The following AUNIP variants were observed in gnomAD, a reference collection of about 807,000 sequenced individuals.
AUNIP encodes aurora kinase A and ninein interacting protein, also known as aurora kinase A- and ninein-interacting protein.
Under a neutral mutation model 12.2 loss-of-function variants are expected in AUNIP, and 16 were observed. The ratio of observed to expected loss-of-function variants is 1.31; its 90% CI spans 0.88 to 1.99. The LOEUF (loss-of-function observed/expected upper bound fraction) is 1.99, where lower values mean the gene tolerates loss of function less well. AUNIP is among the 30% of genes most tolerant of loss of function. AUNIP has a pLI of 0.00. For missense variants in AUNIP, 411 were observed against 419.1 expected (o/e 0.98, Z 0.17); for synonymous variants, 142 against 154.8 (o/e 0.92, Z 0.61).
rs772585707 is a variant in AUNIP at position 25,837,482 on chromosome 1, TA to T, written c.150del (p.Phe50LeufsTer54). ...LPGERKANIY[F>X]TQRRAPSTGI... ...CCTGTAGATGGAGCTCTTCTTTGAG[TA>T]AAATAAATATTAGCCTTTCTTTCTC... On this transcript the variant is annotated frameshift_variant, in exon 2 of 3. Coordinates refer to ENST00000374298, the MANE Select transcript of AUNIP (RefSeq NM_024037.3). LOFTEE classifies it high-confidence loss of function. The T allele has an allele frequency of 1.2e-6, 2 of 1,613,870 alleles. No homozygotes were observed. The highest frequency in any genetic ancestry group is 2.7e-5 in the African/African-American group (2 of 74,922).
chr1:25,841,298 T>TG (rs1393339308), intron 1 of AUNIP, among the ~76,000 whole-genome samples: 14 of 152,228 alleles, frequency 9.2e-5, no homozygotes, highest in Admixed American at 9.2e-4. Flanking sequence ...TAAAGGCGGC[T>TG]GTTTGTATTT....
At chr1:25,832,007 T>C (rs190048702), downstream of AUNIP, 127 of 1,614,168 alleles carry the variant, frequency 7.9e-5, 1 homozygote, top group East Asian at 1.2e-3. Context: ...GAAGAAGATA[T>C]CAGTAGAAAA....
At chr1:25,859,170 C>T in intron 1 of AUNIP, 110 bp downstream of exon 1, 1 of 1,166,232 alleles carries the variant, frequency 8.6e-7, no homozygotes, top group Non-Finnish European at 1.2e-6. Flanking sequence ...GTTCCCTTCT[C>T]TGTCCCCGAC....
chr1:25,859,255 G>A (rs1346374685), intron 1 of AUNIP, 25 bp downstream of exon 1: 3 of 1,561,432 alleles, frequency 1.9e-6, no homozygotes, highest in African/African-American at 2.7e-5. Flanking sequence ...GGTTCCCAAC[G>A]CCCTCTCATC....
At chr1:25,859,187 T>G in intron 1 of AUNIP, 93 bp downstream of exon 1, 1 of 1,336,442 alleles carries the variant, frequency 7.5e-7, no homozygotes, top group Non-Finnish European at 1.0e-6. Flanking sequence ...CGACTTCGCT[T>G]TCATCATCTC....
At chr1:25,853,708 A>G (rs1380424271) in intron 1 of AUNIP, among the ~76,000 whole-genome samples, 3 of 152,194 alleles carry the variant, frequency 2.0e-5, no homozygotes, top group Admixed American at 1.3e-4. Flanking sequence ...TGCATTCATG[A>G]TGTTGGCTCA....
At position 25,835,339 on chromosome 1, in the gene AUNIP, G is replaced by C. The variant is rs1340360054; in HGVS notation, c.728C>G (p.Ala243Gly). The stretch of plus-strand genomic sequence containing the variant: ...CCTGTATGTTTGAAGGAGGACAGGG[G>C]CCTGCCTGTTTTCTTTGGCAGACAC... ...RKVSAKENRQ[A>G]PVLLQTYRES... Residue 243 changes from alanine to glycine, a missense_variant, in exon 3 of 3, where the codon GCC becomes GGC. Transcript: ENST00000374298. The C allele has an allele frequency of 5.6e-6, 9 of 1,614,178 alleles. No individual in the cohort carries two copies. Among genetic ancestry groups the C allele is most frequent in the Non-Finnish European group, 5.9e-6 (7 of 1,180,042 alleles).
intron 1 of AUNIP, among the ~76,000 whole-genome samples, chr1:25,858,174 A>C (rs1221249808): frequency 1.3e-5 from 2 of 152,086 alleles, no homozygotes; most frequent in African/African-American, 4.8e-5. Context: ...CTCAAAAAAT[A>C]ATAATAATAA....
At chr1:25,843,185 A>AAAT (rs1553123796) in intron 1 of AUNIP, among the ~76,000 whole-genome samples, 6 of 124,954 alleles carry the variant, frequency 4.8e-5, no homozygotes, top group South Asian at 2.7e-4. Flanking sequence ...AAAAAAAAAA[A>AAAT]ATATATATAT....
chr1:25,843,172 CAAA>C (rs1216108790), intron 1 of AUNIP, among the ~76,000 whole-genome samples: 3 of 134,870 alleles, frequency 2.2e-5, no homozygotes, highest in African/African-American at 8.6e-5. Context: ...GACCCCATCT[CAAA>C]AAAAAAAAAA....
downstream of AUNIP, chr1:25,832,063 G>A (rs1454393463): frequency 1.2e-6 from 2 of 1,613,732 alleles, no homozygotes; most frequent in African/African-American, 2.7e-5. Context: ...TCATGCTCCT[G>A]GAATACCTTC....
intron 1 of AUNIP, 61 bp downstream of exon 1, chr1:25,859,219 C>A: frequency 6.6e-7 from 1 of 1,525,680 alleles, no homozygotes; most frequent in East Asian, 2.5e-5. Flanking sequence ...CAAACTCCTC[C>A]CGTCTTACGC....
intron 1 of AUNIP, among the ~76,000 whole-genome samples, chr1:25,841,352 A>G (rs213632): frequency 0.28 from 42,841 of 152,024 alleles, 7,587 homozygotes; most frequent in African/African-American, 0.49. Flanking sequence ...CTTGCTTTAC[A>G]CTTTGAAGAT....
At chr1:25,841,681 G>A (rs745908758) in intron 1 of AUNIP, among the ~76,000 whole-genome samples, 2 of 151,950 alleles carry the variant, frequency 1.3e-5, no homozygotes, top group Non-Finnish European at 2.9e-5. Context: ...TGGCCACCAC[G>A]CCCGGCTAAT....
At chr1:25,850,525 C>G (rs145461360) in intron 1 of AUNIP, among the ~76,000 whole-genome samples, 1 of 152,134 alleles carries the variant, frequency 6.6e-6, no homozygotes, top group South Asian at 2.1e-4. Flanking sequence ...GGGGCATATT[C>G]CTATCTTAAG....
chr1:25,838,982 TAAA>T (rs973850492), intron 1 of AUNIP, among the ~76,000 whole-genome samples: 1 of 152,140 alleles, frequency 6.6e-6, no homozygotes, highest in African/African-American at 2.4e-5. Context: ...TTTAAGTGGT[TAAA>T]AAAAGAAAGA....
intron 1 of AUNIP, among the ~76,000 whole-genome samples, chr1:25,856,525 T>C (rs574736765): frequency 6.7e-6 from 1 of 150,328 alleles, no homozygotes; most frequent in South Asian, 2.1e-4. Flanking sequence ...AAAATACAAA[T>C]TCACCTGGGC....
At chr1:25,836,275 C>G (rs1269811746) in intron 2 of AUNIP, among the ~76,000 whole-genome samples, 1 of 152,170 alleles carries the variant, frequency 6.6e-6, no homozygotes, top group Non-Finnish European at 1.5e-5. Context: ...AAGAAACATG[C>G]TAAACACATA....
chr1:25,833,642 T>C (rs544101581), downstream of AUNIP, among the ~76,000 whole-genome samples: 1 of 152,094 alleles, frequency 6.6e-6, no homozygotes, highest in East Asian at 1.9e-4. Context: ...ATAGTTCAGC[T>C]ACTCGGGAGG....
Sources: allele counts gnomAD v4.1 joint callset (sites outside exome capture counted in the v4.1 genomes callset), GRCh38; gene constraint gnomAD v4.1.1; transcripts MANE v1.5; gene names NCBI Gene and HGNC (gene_info 2026-07-23, HGNC 2026-07-21).